Variants in NCOA2 observed in about 807,000 individuals in gnomAD.
The protein encoded by NCOA2 is class E basic helix-loop-helix protein 75.
Under a neutral mutation model 145.1 loss-of-function variants are expected in NCOA2, and 21 were observed. The observed-to-expected ratio is 0.14, with a 90% confidence interval of 0.10 to 0.21. NCOA2 has a LOEUF of 0.21. Among genes scored for constraint, NCOA2 ranks in the 10% least tolerant of loss-of-function variants. NCOA2 has a pLI of 1.00. For missense variants in NCOA2, 1,472 were observed against 1,837.6 expected, an observed-to-expected ratio of 0.80 and a Z score of 3.64; for synonymous variants, 619 against 637.5, an observed-to-expected ratio of 0.97 and a Z score of 0.44.
At chr8:70,272,908 TTAAAG>T (rs1360142624) in intron 2 of NCOA2, among the ~76,000 whole-genome samples, 2 of 152,196 alleles carry the variant, frequency 1.3e-5, no homozygotes, top group Non-Finnish European at 2.9e-5. Context: ...ATCTTCATTT[TTAAAG>T]TAATCTCTAA....
chr8:70,145,221 G>A (rs1191015606), intron 12 of NCOA2, among the ~76,000 whole-genome samples: 1 of 152,096 alleles, frequency 6.6e-6, no homozygotes, highest in Admixed American at 6.5e-5. Flanking sequence ...GCAATGGCAC[G>A]ATCTCGGCTC....
At chr8:70,440,622 C>T in the NCOA2 span, among the ~76,000 whole-genome samples, 9 of 99,532 alleles carry the variant, frequency 9.0e-5, no homozygotes, top group African/African-American at 1.5e-4. Flanking sequence ...AAAGAGAGAG[C>T]GAGAGAAAGA....
chr8:70,232,768 C>G (rs1470625226), intron 2 of NCOA2, among the ~76,000 whole-genome samples: 1 of 151,812 alleles, frequency 6.6e-6, no homozygotes, highest in Non-Finnish European at 1.5e-5. Context: ...CTCCAACTAC[C>G]ATTCAATCTC....
intron 21 of NCOA2, among the ~76,000 whole-genome samples, chr8:70,122,974 G>T (rs558637554): frequency 1.3e-5 from 2 of 152,152 alleles, no homozygotes; most frequent in African/African-American, 4.8e-5. Context: ...AACTACTGAG[G>T]ATCAGTGGTA....
chr8:70,128,670 C>T (rs750688829), intron 17 of NCOA2, 32 bp downstream of exon 17: 2 of 1,608,442 alleles, frequency 1.2e-6, no homozygotes, highest in South Asian at 1.1e-5. Context: ...ACCCAGCACC[C>T]CTGACTTCCC....
At chr8:70,418,440 G>A in the NCOA2 span, among the ~76,000 whole-genome samples, 1 of 152,170 alleles carries the variant, frequency 6.6e-6, no homozygotes, top group Non-Finnish European at 1.5e-5. Flanking sequence ...GTCCCGTTCT[G>A]TGGATACCAG....
chr8:70,301,655 CAAAAAAAAAAA>C (rs71275063), intron 1 of NCOA2, among the ~76,000 whole-genome samples: 23 of 60,142 alleles, frequency 3.8e-4, no homozygotes, highest in African/African-American at 4.9e-4. Flanking sequence ...GACCCTTTCT[CAAAAAAAAAAA>C]AAAAAAAAAA....
At chr8:70,140,586 C>T (rs1367884952) in intron 14 of NCOA2, among the ~76,000 whole-genome samples, 3 of 148,808 alleles carry the variant, frequency 2.0e-5, no homozygotes, top group Non-Finnish European at 4.4e-5. Context: ...ACTGCTGTAC[C>T]ACCTAAGTTT....
chr8:70,427,565 C>T, the NCOA2 span, among the ~76,000 whole-genome samples: 151 of 152,236 alleles, frequency 9.9e-4, no homozygotes, highest in African/African-American at 3.5e-3. Context: ...GCAAATAGCT[C>T]GATAACCTGC....
intron 2 of NCOA2, among the ~76,000 whole-genome samples, chr8:70,257,856 T>C (rs150048672): frequency 2.6e-4 from 39 of 151,588 alleles, no homozygotes; most frequent in African/African-American, 9.0e-4. Context: ...TCCCTGTCAC[T>C]GAGCCCCACC....
intron 2 of NCOA2, among the ~76,000 whole-genome samples, chr8:70,268,826 A>G (rs1824815732): frequency 6.6e-6 from 1 of 152,232 alleles, no homozygotes; most frequent in African/African-American, 2.4e-5. Flanking sequence ...GTAATAAGCT[A>G]TAAATATACT....
intron 1 of NCOA2, among the ~76,000 whole-genome samples, chr8:70,360,942 C>CAAAAA (rs1213854420): frequency 1.8e-5 from 1 of 55,330 alleles, no homozygotes; most frequent in Non-Finnish European, 4.2e-5. Context: ...GATTCCAGCT[C>CAAAAA]AAAAAAAAAA....
chr8:70,368,238 CAA>C lies in NCOA2; in HGVS notation c.-77+35460_-77+35461del, dbSNP rs1243892145. Among the ~76,000 whole-genome samples, 8 of 152,166 alleles carry C rather than the reference CAA, an allele frequency of 5.3e-5. 1 individual carries two copies. The highest frequency in any genetic ancestry group is 5.2e-4 in the Admixed American group (8 of 15,274). ...TATAGGACGTGGACAGAAAGAAAGA[CAA>C]AGAGAGTGTCACAAGTGCTGGCTAG... On this transcript the variant is annotated intron_variant, in intron 1 of 22. Transcript: ENST00000452400.
chr8:70,366,255 G>A (rs576398491), intron 1 of NCOA2, among the ~76,000 whole-genome samples: 6 of 152,242 alleles, frequency 3.9e-5, no homozygotes, highest in Admixed American at 1.3e-4. Flanking sequence ...CAAAAGTGAA[G>A]TATGTGGATT....
intron 2 of NCOA2, among the ~76,000 whole-genome samples, chr8:70,266,505 C>T (rs1824607188): frequency 6.6e-6 from 1 of 152,168 alleles, no homozygotes; most frequent in African/African-American, 2.4e-5. Context: ...CCTTCCATTA[C>T]TCTATATAAA....
chr8:70,305,523 T>G (rs573558368), intron 1 of NCOA2, among the ~76,000 whole-genome samples: 2 of 152,252 alleles, frequency 1.3e-5, no homozygotes, highest in African/African-American at 4.8e-5. Flanking sequence ...GTCAAAAAAC[T>G]TAAAACGGAC....
intron 7 of NCOA2, among the ~76,000 whole-genome samples, chr8:70,166,285 C>G (rs1480947859): frequency 6.6e-6 from 1 of 152,202 alleles, no homozygotes; most frequent in Non-Finnish European, 1.5e-5. Context: ...AAACTCCCGC[C>G]CCCTAGCTGC....
At chr8:70,410,725 A>T in the NCOA2 span, among the ~76,000 whole-genome samples, 31 of 152,360 alleles carry the variant, frequency 2.0e-4, no homozygotes, top group African/African-American at 7.2e-4. Flanking sequence ...GTACTCAACA[A>T]TACAAGGAAC....
At chr8:70,321,328 TG>T (rs755994735) in intron 1 of NCOA2, among the ~76,000 whole-genome samples, 241 of 151,198 alleles carry the variant, frequency 1.6e-3, no homozygotes, top group Non-Finnish European at 2.0e-3. Context: ...AACATCACTT[TG>T]TTTTTTTTTT....
Sources: allele counts gnomAD v4.1 joint callset (sites outside exome capture counted in the v4.1 genomes callset), GRCh38; gene constraint gnomAD v4.1.1; transcripts MANE v1.5; gene names NCBI Gene and HGNC (gene_info 2026-07-23, HGNC 2026-07-21).